STX18: variants seen among roughly 807,000 people sequenced by gnomAD.
STX18 encodes the protein syntaxin-18.
A neutral mutation model predicts 50.1 loss-of-function variants in STX18; 40 were observed. That is an observed-to-expected ratio of 0.80 (90% confidence interval 0.62 to 1.04). STX18 has a LOEUF of 1.04. STX18 is among the 50% of genes least tolerant of loss of function. The pLI is 0.00. For synonymous variants in STX18, 158 were observed against 151.8 expected (o/e 1.04, Z -0.30); for missense variants, 410 against 415.8 (o/e 0.99, Z 0.12).
At chr4:4,464,639 T>C (rs1055838019) in intron 2 of STX18, among the ~76,000 whole-genome samples, 2 of 152,182 alleles carry the variant, frequency 1.3e-5, no homozygotes, top group African/African-American at 2.4e-5. Flanking sequence ...CTGTTTGCAG[T>C]AGTTTCAAAG....
intron 1 of STX18, among the ~76,000 whole-genome samples, chr4:4,504,178 G>T (rs566963694): frequency 1.3e-5 from 2 of 152,288 alleles, no homozygotes; most frequent in South Asian, 4.1e-4. Context: ...AGGTGGAGGA[G>T]AACATAAAAT....
intron 5 of STX18, among the ~76,000 whole-genome samples, chr4:4,444,181 C>A (rs1726266246): frequency 6.6e-6 from 1 of 152,208 alleles, no homozygotes; most frequent in Non-Finnish European, 1.5e-5. Flanking sequence ...AAGGTGTATA[C>A]AAACTACATT....
At chr4:4,476,412 G>A (rs188990983) in intron 1 of STX18, among the ~76,000 whole-genome samples, 1 of 152,318 alleles carries the variant, frequency 6.6e-6, no homozygotes, top group East Asian at 1.9e-4. Flanking sequence ...TATTCTTAGT[G>A]GAAAGAAACC....
intron 2 of STX18, 25 bp downstream of exon 2, chr4:4,471,614 T>C (rs932135153): frequency 1.1e-5 from 16 of 1,484,174 alleles, no homozygotes; most frequent in East Asian, 4.7e-5. Context: ...GTCACCAAAG[T>C]CCTGGTAAAA....
At position 4,419,230 on chromosome 4, in the gene STX18, GAGA is replaced by G; in HGVS notation, c.*801_*803del. 1 of 152,388 alleles carries G rather than the reference GAGA, an allele frequency of 6.6e-6. No individual in the cohort carries two copies. The highest frequency in any genetic ancestry group is 2.1e-4 in the South Asian group (1 of 4,832). 9.4% of individuals were successfully genotyped at this position (152,388 alleles called of 1,614,324 possible). On this transcript the variant is annotated 3_prime_UTR_variant, in exon 11 of 11. Coordinates refer to ENST00000306200, the MANE Select transcript of STX18 (RefSeq NM_016930.4). ...CTGGAGGTCAGAAGCACAGGCACGA[GAGA>G]AGCAGGCCCGTTCTTCCGTGGCCCA... is the stretch of plus-strand genomic sequence containing the variant.
Position 4,420,227 on chromosome 4 carries a change from G to T in STX18, c.913-98C>A. On this transcript the variant is annotated intron_variant, in intron 10 of 10. Transcript: ENST00000306200. The surrounding 1 kb of genome is among the most constrained non-coding windows in gnomAD (Gnocchi z 4.3). ...TCTTCCCACGTGCTCTCCTGATCCT[G>T]GCTGTAACTATGGGTGTCGTTCCAT... 1 of 914,066 alleles carries T rather than the reference G, an allele frequency of 1.1e-6. No homozygotes were observed. The highest frequency in any genetic ancestry group is 2.6e-5 in the East Asian group (1 of 37,912). 56.6% of individuals were successfully genotyped at this position (914,066 alleles called of 1,614,324 possible).
intron 1 of STX18, among the ~76,000 whole-genome samples, chr4:4,474,519 G>T (rs1306657721): frequency 3.9e-5 from 6 of 152,192 alleles, no homozygotes; most frequent in Non-Finnish European, 1.5e-5. Context: ...TGACTATATG[G>T]TGTTACATGA....
chr4:4,462,674 C>T (rs1316527489), intron 2 of STX18, among the ~76,000 whole-genome samples: 1 of 149,494 alleles, frequency 6.7e-6, no homozygotes, highest in Non-Finnish European at 1.5e-5. Context: ...CTAACCTGGA[C>T]AACATAGCAA....
intron 7 of STX18, 130 bp from the exon 8 acceptor site, chr4:4,425,352 G>A (rs983543820): frequency 2.4e-5 from 19 of 780,402 alleles, no homozygotes; most frequent in African/African-American, 6.9e-5. Context: ...CGTGGCAGCC[G>A]GTGCTGGACG....
At chr4:4,527,882 TA>T (rs925670481) in intron 1 of STX18, among the ~76,000 whole-genome samples, 1 of 114,406 alleles carries the variant, frequency 8.7e-6, no homozygotes, top group African/African-American at 3.4e-5. Context: ...ATATATATAT[TA>T]AAAACTACCT....
At chr4:4,537,878 A>G (rs924146994) in intron 1 of STX18, among the ~76,000 whole-genome samples, 1 of 152,224 alleles carries the variant, frequency 6.6e-6, no homozygotes, top group Non-Finnish European at 1.5e-5. Flanking sequence ...CTCAAGAAGA[A>G]GAAACTCACT....
At chr4:4,508,370 G>C (rs190680418) in intron 1 of STX18, among the ~76,000 whole-genome samples, 1 of 151,962 alleles carries the variant, frequency 6.6e-6, no homozygotes, top group Non-Finnish European at 1.5e-5. Context: ...TATTTCACTT[G>C]AGAGGATCCC....
At chr4:4,450,775 G>A in intron 5 of STX18, among the ~76,000 whole-genome samples, 1 of 152,176 alleles carries the variant, frequency 6.6e-6, no homozygotes, top group Non-Finnish European at 1.5e-5. Context: ...CCCCACGACT[G>A]CAGACGCCCA....
intron 1 of STX18, among the ~76,000 whole-genome samples, chr4:4,534,066 T>C (rs1344925952): frequency 1.3e-5 from 2 of 152,204 alleles, no homozygotes; most frequent in Admixed American, 1.3e-4. Flanking sequence ...GATGGCCGTA[T>C]TGCTGAGACA....
intron 1 of STX18, among the ~76,000 whole-genome samples, chr4:4,498,601 AG>A (rs1210710868): frequency 6.6e-6 from 1 of 152,216 alleles, no homozygotes; most frequent in African/African-American, 2.4e-5. Flanking sequence ...TATCTCTCCA[AG>A]GAGAATAGTT....
Position 4,419,992 on chromosome 4 carries a change from A to G in STX18, c.*42T>C. 1 of 1,515,022 alleles carries G rather than the reference A, an allele frequency of 6.6e-7. No homozygotes were observed. The highest frequency in any genetic ancestry group is 9.1e-7 in the Non-Finnish European group (1 of 1,104,044). The allele number at this position is 1,515,022 out of a possible 1,614,324, so 93.8% of individuals were successfully genotyped here. ...AGTACATGAAAGCACGCAGTCTGTG[A>G]GTGCCCATGAGGACTCTCGTGCTGG... is the stretch of plus-strand genomic sequence containing the variant. On this transcript the variant is annotated 3_prime_UTR_variant, in exon 11 of 11. Coordinates refer to ENST00000306200, the MANE Select transcript of STX18 (RefSeq NM_016930.4).
chr4:4,535,207 G>A (rs777710201), intron 1 of STX18, among the ~76,000 whole-genome samples: 1 of 152,166 alleles, frequency 6.6e-6, no homozygotes, highest in Non-Finnish European at 1.5e-5. Flanking sequence ...TCAAAGAACA[G>A]GTTAATATGC....
At position 4,434,796 on chromosome 4, in the gene STX18, C is replaced by T. The variant is rs768285505; in HGVS notation, c.676G>A (p.Glu226Lys). ...ATTTGTATTTCTTCTGGGGATAACT[C>T]ATCTTCGCCTTTGCCATCTCCCCAC... The part of the protein sequence containing the change: ...GTWGDGKGED[E>K]LSPEEIQMFE... Residue 226 changes from glutamate (E) to lysine (K), a missense_variant, in exon 7 of 11, where the codon GAG (glutamate) becomes AAG (lysine). Coordinates refer to ENST00000306200, the MANE Select transcript of STX18 (RefSeq NM_016930.4). 6.2e-7 allele frequency: 1 copy of T among 1,606,686 alleles called. No individual in the cohort carries two copies. Among genetic ancestry groups the T allele is most frequent in the Non-Finnish European group, 8.5e-7 (1 of 1,178,090 alleles).
At chr4:4,511,737 T>C (rs1482492548) in intron 1 of STX18, among the ~76,000 whole-genome samples, 1 of 150,622 alleles carries the variant, frequency 6.6e-6, no homozygotes, top group Non-Finnish European at 1.5e-5. Flanking sequence ...TGTGTGTGTG[T>C]GTGTGTGTGT....
Sources: allele counts gnomAD v4.1 joint callset (sites outside exome capture counted in the v4.1 genomes callset), GRCh38; gene constraint gnomAD v4.1.1; non-coding constraint Gnocchi (gnomAD v3.1); transcripts MANE v1.5; gene names NCBI Gene and HGNC (gene_info 2026-07-23, HGNC 2026-07-21).